Variants in MARK3 observed in about 807,000 individuals in gnomAD.
The protein encoded by MARK3 is microtubule affinity regulating kinase 3.
Under a neutral mutation model 90.1 loss-of-function variants are expected in MARK3, and 46 were observed. The observed-to-expected ratio is 0.51, with a 90% confidence interval of 0.40 to 0.65. The LOEUF (loss-of-function observed/expected upper bound fraction) is 0.65, where lower values mean the gene tolerates loss of function less well. Ranked by LOEUF, MARK3 falls within the 30% of genes least tolerant of loss-of-function variation. The pLI, the probability that MARK3 is intolerant of heterozygous loss-of-function variation, is 0.00. For synonymous variants in MARK3, 321 were observed against 332.6 expected (o/e 0.97, Z 0.38); for missense variants, 818 against 947.2 (o/e 0.86, Z 1.79).
chr14:103,399,215 T>A (rs1488585753), intron 1 of MARK3, among the ~76,000 whole-genome samples: 1 of 152,246 alleles, frequency 6.6e-6, no homozygotes, highest in Non-Finnish European at 1.5e-5. Flanking sequence ...ATTTGTCTTC[T>A]GATTATACAG....
intron 14 of MARK3, 160 bp from the exon 15 acceptor site, chr14:103,491,617 C>A: frequency 1.5e-6 from 1 of 654,574 alleles, no homozygotes. Context: ...TTTTGGTACC[C>A]TTTCCCACTT....
Position 103,502,997 on chromosome 14 carries a change from G to C in MARK3, c.2032G>C (p.Glu678Gln). Residue 678 changes from glutamate to glutamine, a missense_variant, in exon 18 of 18, where the codon GAA (glutamate) becomes CAA (glutamine). Coordinates refer to ENST00000429436, the MANE Select transcript of MARK3 (RefSeq NM_001128918.3). ...AATGGATCCCGGGGACATGATGCGG[G>C]AAATCCGCAAAGTGTTGGACGCCAA... is the stretch of plus-strand genomic sequence containing the variant. ...SSMDPGDMMREIRKVLDANNC... is the reference protein window; with the variant it reads ...SSMDPGDMMRQIRKVLDANNC... 6.2e-7 allele frequency: 1 copy of C among 1,614,262 alleles called. No homozygotes were observed. The highest frequency in any genetic ancestry group is 8.5e-7 in the Non-Finnish European group (1 of 1,180,048).
intron 14 of MARK3, among the ~76,000 whole-genome samples, chr14:103,484,328 C>T (rs1013899143): frequency 2.6e-5 from 4 of 152,118 alleles, no homozygotes; most frequent in South Asian, 4.1e-4. Flanking sequence ...AGGCACACAC[C>T]ACCACACCTG....
chr14:103,492,062 A>G (rs750792123), intron 15 of MARK3, 28 bp downstream of exon 15: 1 of 1,609,330 alleles, frequency 6.2e-7, no homozygotes, highest in South Asian at 1.1e-5. Flanking sequence ...GTTGTTTTGG[A>G]GTGAACACAT....
At chr14:103,487,208 C>T (rs563088146) in intron 14 of MARK3, among the ~76,000 whole-genome samples, 1 of 151,516 alleles carries the variant, frequency 6.6e-6, no homozygotes, top group Admixed American at 6.5e-5. Flanking sequence ...TGGGCCACCA[C>T]GCCCAGCCTC....
intron 14 of MARK3, among the ~76,000 whole-genome samples, chr14:103,482,268 C>G (rs918603155): frequency 3.3e-5 from 5 of 151,814 alleles, no homozygotes; most frequent in Non-Finnish European, 5.9e-5. Flanking sequence ...CACCTGTAAT[C>G]CCAGCACTCT....
At chr14:103,428,544 A>G (rs1252013925) in intron 3 of MARK3, 104 bp downstream of exon 3, 14 of 663,104 alleles carry the variant, frequency 2.1e-5, no homozygotes, top group South Asian at 2.1e-4. Context: ...GTTTAATGCC[A>G]TAAAGCTTCC....
rs2093544699 is a variant in MARK3, at chr14:103,467,868, A to G, written c.1111-165A>G. The G allele has an allele frequency of 5.3e-6, 3 of 565,402 alleles. No individual in the cohort carries two copies. In the South Asian group the frequency reaches 8.9e-5, roughly 17 times the overall value. The allele number at this position is 565,402 out of a possible 1,614,324, so 35.0% of individuals were successfully genotyped here. On this transcript the variant is annotated intron_variant, in intron 11 of 17. Transcript: ENST00000429436. The stretch of plus-strand genomic sequence containing the variant: ...TTTAGTGTCTTTCCAGCCGTCAGAA[A>G]ACTACTTTTGCTTGAGTTTAGGGTT...
In MARK3 at chr14:103,491,996, T is replaced by G. The variant is rs776506796; in HGVS notation, c.1806T>G (p.Thr602=). Residue 602 remains threonine (T), a synonymous_variant, in exon 15 of 18, where the codon ACT becomes ACG. Transcript: ENST00000429436. ...CCCAGACTCGAAGCCGAGGCTCCACTAATCTCTTTAGTAAATTAACTTCAA... is the reference window on the plus strand; with the variant it reads ...CCCAGACTCGAAGCCGAGGCTCCACGAATCTCTTTAGTAAATTAACTTCAA... ...PLSQTRSRGS[T]NLFSKLTSKL... is the part of the protein sequence containing the mutation. 1.5e-5 allele frequency: 25 copies of G among 1,614,178 alleles called. No homozygotes were observed. Among genetic ancestry groups the G allele is most frequent in the Non-Finnish European group, 2.0e-5 (24 of 1,180,022 alleles).
chr14:103,501,535 T>A (rs1189974231), intron 17 of MARK3, among the ~76,000 whole-genome samples: 4 of 152,156 alleles, frequency 2.6e-5, no homozygotes, highest in Non-Finnish European at 5.9e-5. Context: ...TGATCCCCTC[T>A]ACTCAAAACA....
At chr14:103,412,517 TG>T (rs1566794480) in intron 2 of MARK3, 4 of 530,352 alleles carry the variant, frequency 7.5e-6, no homozygotes, top group Admixed American at 2.9e-5. Flanking sequence ...AGTGTCCACT[TG>T]GGGGGATATC....
At chr14:103,426,799 G>A (rs1461550530) in intron 2 of MARK3, among the ~76,000 whole-genome samples, 1 of 151,804 alleles carries the variant, frequency 6.6e-6, no homozygotes, top group Non-Finnish European at 1.5e-5. Context: ...TGACCCTGCT[G>A]TTGCCGCTCT....
intron 7 of MARK3, 32 bp downstream of exon 7, chr14:103,462,493 CTGT>C: frequency 6.5e-7 from 1 of 1,543,868 alleles, no homozygotes; most frequent in Non-Finnish European, 8.9e-7. Flanking sequence ...AGTGTATGCT[CTGT>C]CTGTTTGTGT....
chr14:103,486,517 TA>T lies in MARK3; in HGVS notation c.1587-5253del, dbSNP rs1171605982. Reference sequence around the variant, plus strand: ...AACTTTAAAAAAATTTTTTAATTATTAAAAAAATGTAATGCTGCTACTGTTT... The same window carrying T: ...AACTTTAAAAAAATTTTTTAATTATTAAAAAATGTAATGCTGCTACTGTTT... On this transcript the variant is annotated intron_variant, in intron 14 of 17. Coordinates refer to ENST00000429436, the MANE Select transcript of MARK3 (RefSeq NM_001128918.3). Among the ~76,000 whole-genome samples the T allele has an allele frequency of 3.3e-5, 5 of 152,276 alleles. No individual in the cohort carries two copies. In the South Asian group the frequency reaches 1.0e-3, roughly 32 times the overall value.
Position 103,468,057 on chromosome 14 carries a change from A to G in MARK3, c.1135A>G (p.Ser379Gly). ...GCTGGATGCTAGTGATTCCAGTTCTAGCAGCAATCTTTCACTTGCTAAGGT... is the reference window on the plus strand; with the variant it reads ...GCTGGATGCTAGTGATTCCAGTTCTGGCAGCAATCTTTCACTTGCTAAGGT... Reference protein sequence around the residue: ...SELDASDSSSSSNLSLAKVRP... With the variant: ...SELDASDSSSGSNLSLAKVRP... Residue 379 changes from serine to glycine, a missense_variant, in exon 12 of 18, where the codon AGC (serine) becomes GGC (glycine). Transcript: ENST00000429436. 1 of 1,613,856 alleles carries G rather than the reference A, an allele frequency of 6.2e-7. No homozygotes were observed. Among genetic ancestry groups the G allele is most frequent in the Non-Finnish European group, 8.5e-7 (1 of 1,179,904 alleles).
chr14:103,399,116 C>T (rs1193307102), intron 1 of MARK3, among the ~76,000 whole-genome samples: 1 of 152,074 alleles, frequency 6.6e-6, no homozygotes, highest in Non-Finnish European at 1.5e-5. Context: ...ATTCTGGAAC[C>T]ATATTGATGT....
chr14:103,502,780 G>A (rs767373925), intron 17 of MARK3, 102 bp from the exon 18 acceptor site: 69 of 861,630 alleles, frequency 8.0e-5, no homozygotes, highest in Middle Eastern at 7.4e-4. Flanking sequence ...GAGGTCAGTC[G>A]TTAGTTGTGT....
intron 7 of MARK3, among the ~76,000 whole-genome samples, chr14:103,464,114 G>A (rs1306372564): frequency 6.6e-6 from 1 of 152,084 alleles, no homozygotes; most frequent in Admixed American, 6.6e-5. Flanking sequence ...CTTCAGTTAT[G>A]GCATTTTGTC....
At chr14:103,434,657 A>G (rs1048380602) in intron 3 of MARK3, among the ~76,000 whole-genome samples, 2 of 152,148 alleles carry the variant, frequency 1.3e-5, no homozygotes, top group Non-Finnish European at 2.9e-5. Context: ...CTCGAAATTT[A>G]CATCAAGCTG....
Sources: gnomAD v4.1 joint callset for allele counts (sites outside exome capture counted in the v4.1 genomes callset) on GRCh38, gnomAD v4.1.1 for gene constraint, MANE v1.5 for transcripts, NCBI Gene and HGNC (gene_info 2026-07-23, HGNC 2026-07-21) for gene names.